ENOSF1: variants seen among roughly 807,000 people sequenced by gnomAD.
ENOSF1 encodes the protein enolase superfamily member 1.
Under a neutral mutation model 68.2 loss-of-function variants are expected in ENOSF1, and 73 were observed. The observed-to-expected ratio is 1.07, with a 90% CI of 0.89 to 1.30. The LOEUF (loss-of-function observed/expected upper bound fraction) is 1.30. Among genes scored for constraint, ENOSF1 ranks in the 50% most tolerant of loss-of-function variants. The pLI, the probability that ENOSF1 is intolerant of heterozygous loss-of-function variation, is 0.00. For synonymous variants in ENOSF1, 223 were observed against 210.4 expected (o/e 1.06, Z -0.52); for missense variants, 589 against 554.5 (o/e 1.06, Z -0.62).
At chr18:711,161 AC>A (rs1211735515) in intron 1 of ENOSF1, among the ~76,000 whole-genome samples, 3 of 152,072 alleles carry the variant, frequency 2.0e-5, no homozygotes, top group African/African-American at 7.2e-5. Context: ...CAGATAAGAG[AC>A]CCTGCCTCAA....
chr18:669,214 T>C, downstream of ENOSF1: 1 of 1,565,052 alleles, frequency 6.4e-7, no homozygotes, highest in Non-Finnish European at 8.8e-7. Context: ...CTAACCATAC[T>C]CTTAGAGGGA....
downstream of ENOSF1, chr18:668,965 C>A: frequency 1.1e-6 from 1 of 901,166 alleles, no homozygotes. Flanking sequence ...AGCCATGGGT[C>A]AAGGGGGGAC....
intron 11 of ENOSF1, among the ~76,000 whole-genome samples, chr18:681,941 C>G (rs1272033150): frequency 1.3e-5 from 2 of 152,134 alleles, no homozygotes; most frequent in African/African-American, 4.8e-5. Flanking sequence ...CCCTGAGTCC[C>G]CGACTCCACA....
At position 671,356 on chromosome 18, in the gene ENOSF1, C is replaced by G; in HGVS notation, c.*2949G>C. The G allele has an allele frequency of 6.7e-7, 1 of 1,496,400 alleles. No individual in the cohort carries two copies. Among genetic ancestry groups the G allele is most frequent in the Non-Finnish European group, 9.3e-7 (1 of 1,072,750 alleles). The allele number at this position is 1,496,400 out of a possible 1,614,324, so 92.7% of individuals were successfully genotyped here. The stretch of plus-strand genomic sequence containing the variant: ...AAAGAATTGAAACTAACATACTGTT[C>G]TGCTTTCTCCCCCGGGTTTATAGCC... On this transcript the variant is annotated 3_prime_UTR_variant, in exon 16 of 16. Transcript: ENST00000647584.
In ENOSF1 at chr18:680,199, T is replaced by G. The variant is rs1293316978; in HGVS notation, c.877-1462A>C. On this transcript the variant is annotated intron_variant, in intron 11 of 15. Transcript: ENST00000647584. ...TGCTGGCCCCGCATCTCACGGGATG[T>G]GTGGCCTTGGGCAAGCCCCGCCTGT... Among the ~76,000 whole-genome samples, 3 of 152,230 alleles carry G rather than the reference T, an allele frequency of 2.0e-5. No individual in the cohort carries two copies. The South Asian group carries it at 6.2e-4, about 32-fold the overall frequency.
chr18:694,396 G>A lies in ENOSF1; in HGVS notation c.310-62C>T, dbSNP rs1297914262. The A allele has an allele frequency of 4.0e-6, 6 of 1,487,614 alleles. No homozygotes were observed. The East Asian group carries it at 1.2e-4, about 29-fold the overall frequency. The allele number at this position is 1,487,614 out of a possible 1,614,324, so 92.2% of individuals were successfully genotyped here. A position where few individuals can be genotyped will look rare whatever the true frequency, so the allele number is the denominator to read the frequency against. ...AATGAAAAAGAGGGCTGGGTGTGAT[G>A]GCTCATGCCTGTAAACCCAGGACTT... On this transcript the variant is annotated intron_variant, in intron 3 of 15. Transcript: ENST00000647584.
chr18:702,098 T>C (rs9946194), intron 2 of ENOSF1, among the ~76,000 whole-genome samples: 50,007 of 150,402 alleles, frequency 0.33, 8,541 homozygotes, highest in Non-Finnish European at 0.37. Context: ...ATCCTGTCTC[T>C]ACAAAAAATA....
chr18:676,462 T>A (rs2075530601), intron 14 of ENOSF1, among the ~76,000 whole-genome samples: 1 of 152,090 alleles, frequency 6.6e-6, no homozygotes, highest in African/African-American at 2.4e-5. Context: ...CCCCCCTCAC[T>A]CTCTCTTCCT....
intron 11 of ENOSF1, among the ~76,000 whole-genome samples, chr18:680,569 G>T (rs1420798945): frequency 2.0e-5 from 3 of 151,510 alleles, no homozygotes; most frequent in Admixed American, 1.3e-4. Context: ...CCCTGCCTGG[G>T]TTTCTCCCTG....
At chr18:709,295 G>A (rs937082495) in intron 1 of ENOSF1, among the ~76,000 whole-genome samples, 22 of 152,154 alleles carry the variant, frequency 1.4e-4, no homozygotes, top group African/African-American at 5.3e-4. Flanking sequence ...GAGCCTCAGA[G>A]AGGGAAGAAG....
intron 11 of ENOSF1, among the ~76,000 whole-genome samples, chr18:679,913 G>A (rs912560722): frequency 6.6e-6 from 1 of 152,192 alleles, no homozygotes; most frequent in African/African-American, 2.4e-5. Context: ...TACCTGTCAG[G>A]TGCTGTGCAA....
At chr18:690,974 A>G in intron 7 of ENOSF1, 94 bp downstream of exon 7, 2 of 1,414,978 alleles carry the variant, frequency 1.4e-6, no homozygotes, top group East Asian at 2.3e-5. Context: ...AGCACAGGGC[A>G]TTTGGGAAGA....
chr18:697,624 A>G (rs1325305522), intron 2 of ENOSF1, among the ~76,000 whole-genome samples: 1 of 151,646 alleles, frequency 6.6e-6, no homozygotes, highest in African/African-American at 2.4e-5. Context: ...AGTGGTGCGC[A>G]CCTGTAATCC....
intron 2 of ENOSF1, among the ~76,000 whole-genome samples, chr18:702,285 AAC>A (rs1491569451): frequency 2.9e-5 from 4 of 140,086 alleles, no homozygotes; most frequent in African/African-American, 1.1e-4. Flanking sequence ...AAAAAAAAAA[AAC>A]CCAGGTCAGG....
chr18:675,692 G>A (rs1403528570), intron 14 of ENOSF1: 1 of 287,322 alleles, frequency 3.5e-6, no homozygotes, highest in East Asian at 6.1e-5. Flanking sequence ...TAAATATCCA[G>A]AATTATTTGG....
intron 1 of ENOSF1, among the ~76,000 whole-genome samples, chr18:707,113 C>T (rs1246316024): frequency 6.6e-6 from 1 of 152,138 alleles, no homozygotes; most frequent in Non-Finnish European, 1.5e-5. Context: ...GCCACCGCAC[C>T]TGGTCGCAAT....
At chr18:698,179 G>GCC (rs2077946867) in intron 2 of ENOSF1, among the ~76,000 whole-genome samples, 1 of 152,186 alleles carries the variant, frequency 6.6e-6, no homozygotes, top group Admixed American at 6.5e-5. Flanking sequence ...TTCCTGAGTA[G>GCC]AGAACACATT....
chr18:693,710 G>A, intron 5 of ENOSF1, 172 bp downstream of exon 5: 1 of 985,326 alleles, frequency 1.0e-6, no homozygotes, highest in African/African-American at 1.7e-5. Flanking sequence ...ACAGCCATCT[G>A]TTACGTCAGA....
At chr18:694,382 G>A in intron 3 of ENOSF1, 48 bp from the exon 4 acceptor site, 1 of 1,573,378 alleles carries the variant, frequency 6.4e-7, no homozygotes, top group Non-Finnish European at 8.7e-7. Flanking sequence ...ATGAAAAAGA[G>A]GGCTGGGTGT....
Sources: gnomAD v4.1 joint callset for allele counts (sites outside exome capture counted in the v4.1 genomes callset) on GRCh38, gnomAD v4.1.1 for gene constraint, MANE v1.5 for transcripts, NCBI Gene and HGNC (gene_info 2026-07-23, HGNC 2026-07-21) for gene names.